The following GPC4 variants were observed in gnomAD, a reference collection of about 807,000 sequenced individuals.
The protein encoded by GPC4 is glypican 4, also known as glypican-4.
GPC4 carries 10 observed loss-of-function variants against 35.0 expected under a neutral mutation model. The ratio of observed to expected loss-of-function variants is 0.29; its 90% CI spans 0.18 to 0.48. The LOEUF is 0.48. GPC4 is among the 20% of genes least tolerant of loss of function. GPC4 has a pLI of 0.99. For synonymous variants in GPC4, 167 were observed against 170.2 expected (o/e 0.98, Z 0.15); for missense variants, 322 against 451.3 (o/e 0.71, Z 2.60).
At chrX:133,407,745 T>C (rs2068795727) in intron 1 of GPC4, among the ~76,000 whole-genome samples, 2 of 112,533 alleles carry the variant, frequency 1.8e-5, no homozygotes, top group African/African-American at 6.5e-5. Flanking sequence ...TGGACTTCCC[T>C]CTTCTGGCTT....
intron 1 of GPC4, among the ~76,000 whole-genome samples, chrX:133,341,275 T>C (rs1440000642): frequency 8.9e-6 from 1 of 111,843 alleles, no homozygotes; most frequent in Non-Finnish European, 1.9e-5. Context: ...TAAAACAATA[T>C]GAAGGCCCCC....
intron 2 of GPC4, among the ~76,000 whole-genome samples, chrX:133,330,955 C>T (rs2068417515): frequency 1.9e-5 from 1 of 51,332 alleles, no homozygotes; most frequent in African/African-American, 1.7e-4. Flanking sequence ...GCAAAACAAA[C>T]AAACGAACAA....
chrX:133,391,390 C>T (rs188021022), intron 1 of GPC4, among the ~76,000 whole-genome samples: 1 of 112,136 alleles, frequency 8.9e-6, no homozygotes, highest in Non-Finnish European at 1.9e-5. Context: ...TTCCTTTCCT[C>T]CCAAGAGGCC....
At chrX:133,380,268 C>T (rs759182830) in intron 1 of GPC4, among the ~76,000 whole-genome samples, 1 of 110,253 alleles carries the variant, frequency 9.1e-6, no homozygotes, top group Non-Finnish European at 1.9e-5. Flanking sequence ...ACCCAGGAGG[C>T]GGAGGTTGCA....
At chrX:133,336,488 T>C (rs1045705146) in intron 2 of GPC4, among the ~76,000 whole-genome samples, 1 of 110,994 alleles carries the variant, frequency 9.0e-6, no homozygotes, top group African/African-American at 3.3e-5. Context: ...TGAGCCGAGA[T>C]TGCGCCACTG....
intron 1 of GPC4, among the ~76,000 whole-genome samples, chrX:133,412,199 A>G (rs2124189414): frequency 8.9e-6 from 1 of 111,974 alleles, no homozygotes; most frequent in African/African-American, 3.2e-5. Flanking sequence ...CACTATATTG[A>G]CTATCCCCCT....
intron 2 of GPC4, among the ~76,000 whole-genome samples, chrX:133,329,132 G>A (rs1202695478): frequency 8.9e-6 from 1 of 111,888 alleles, no homozygotes; most frequent in Non-Finnish European, 1.9e-5. Flanking sequence ...GGAAAAACAG[G>A]AGATCTCTCA....
In GPC4 at chrX:133,415,189, G is replaced by A; in HGVS notation, c.-224C>T. 2 of 391,984 alleles carry A rather than the reference G, an allele frequency of 5.1e-6. No individual in the cohort carries two copies. The highest frequency in any genetic ancestry group is 8.6e-5 in the East Asian group (2 of 23,351). 32.3% of individuals were successfully genotyped at this position (391,984 alleles called of 1,213,427 possible). A position where few individuals can be genotyped will look rare whatever the true frequency, so the allele number is the denominator to read the frequency against. ...CCCCGGTGCCAGGCGCCGGGCCAGG[G>A]GAGAAGGAGGGCGTGGAGGCGGCGC... On this transcript the variant is annotated 5_prime_UTR_variant, in exon 1 of 9. Transcript: ENST00000370828.
In GPC4 at chrX:133,399,490, C is replaced by A. The variant is rs751852083; in HGVS notation, c.160+15316G>T. Reference sequence around the variant, plus strand: ...TTTGCTAGCTAAAGGTGACATACTTCCTCTGAGTTTCCTGAAAACACCCAC... The same window carrying A: ...TTTGCTAGCTAAAGGTGACATACTTACTCTGAGTTTCCTGAAAACACCCAC... On this transcript the variant is annotated intron_variant, in intron 1 of 8. Coordinates refer to ENST00000370828, the MANE Select transcript of GPC4 (RefSeq NM_001448.3). 4.5e-4 allele frequency among the ~76,000 whole-genome samples: 50 copies of A among 111,643 alleles called. 1 individual carries two copies. The highest frequency in any genetic ancestry group is 1.4e-3 in the Admixed American group (15 of 10,425).
rs77166014 is a variant in GPC4, at chrX:133,354,568, A to ATTT, written c.161-15230_161-15228dup. 5.9e-3 allele frequency among the ~76,000 whole-genome samples: 562 copies of ATTT among 95,187 alleles called. 16 individuals are homozygous for ATTT. Among genetic ancestry groups the ATTT allele is most frequent in the African/African-American group, 0.022 (511 of 23,757 alleles). 82.7% of individuals were successfully genotyped at this position (95,187 alleles called of 115,157 possible). ...TATTTATTTATTTATTTATTTATTT[A>ATTT]TTTTTTTTTTTGAGACGGAGTCTCG... On this transcript the variant is annotated intron_variant, in intron 1 of 8. Coordinates refer to ENST00000370828, the MANE Select transcript of GPC4 (RefSeq NM_001448.3).
chrX:133,396,760 T>C (rs761479962), intron 1 of GPC4, among the ~76,000 whole-genome samples: 3 of 112,046 alleles, frequency 2.7e-5, no homozygotes, highest in East Asian at 5.6e-4. Flanking sequence ...CACGAACTTA[T>C]CACTTTCAAA....
chrX:133,304,474 G>A (rs2068282050), intron 7 of GPC4, among the ~76,000 whole-genome samples: 1 of 111,741 alleles, frequency 8.9e-6, no homozygotes. Context: ...GACACTATTG[G>A]AACAGCCCTA....
chrX:133,352,673 G>A (rs188068686), intron 1 of GPC4, among the ~76,000 whole-genome samples: 2 of 111,686 alleles, frequency 1.8e-5, no homozygotes, highest in Admixed American at 1.9e-4. Flanking sequence ...GGTCTCACCA[G>A]AGGAGAGCTT....
At chrX:133,341,965 C>T (rs925822342) in intron 1 of GPC4, among the ~76,000 whole-genome samples, 15 of 108,782 alleles carry the variant, frequency 1.4e-4, no homozygotes, top group African/African-American at 5.0e-4. Flanking sequence ...CACCAGTGAC[C>T]CTCAAGCAGA....
At chrX:133,337,067 C>T (rs1219876652) in intron 2 of GPC4, among the ~76,000 whole-genome samples, 2 of 111,764 alleles carry the variant, frequency 1.8e-5, no homozygotes, top group African/African-American at 6.5e-5. Flanking sequence ...AATCTGCCCG[C>T]CGTGGCCTCC....
intron 1 of GPC4, among the ~76,000 whole-genome samples, chrX:133,382,115 A>G (rs2068662943): frequency 8.9e-6 from 1 of 112,169 alleles, no homozygotes; most frequent in Non-Finnish European, 1.9e-5. Flanking sequence ...GATCATAAGA[A>G]AACAACTTGA....
chrX:133,362,006 G>A (rs965571594), intron 1 of GPC4, among the ~76,000 whole-genome samples: 27 of 110,719 alleles, frequency 2.4e-4, no homozygotes, highest in African/African-American at 7.9e-4. Flanking sequence ...TTGAGCTCAA[G>A]AGTTCAAGAC....
intron 2 of GPC4, among the ~76,000 whole-genome samples, chrX:133,327,162 T>A (rs1238283621): frequency 8.9e-6 from 1 of 112,416 alleles, no homozygotes; most frequent in Admixed American, 9.4e-5. Context: ...TTTATTATAT[T>A]GCTCATAAAA....
intron 1 of GPC4, among the ~76,000 whole-genome samples, chrX:133,344,191 G>GTT (rs747976050): frequency 1.5e-4 from 6 of 38,889 alleles, no homozygotes; most frequent in Non-Finnish European, 2.6e-4. Flanking sequence ...TTTCTTTCTG[G>GTT]TTTTTTTTTT....
Sources: allele counts gnomAD v4.1 joint callset (sites outside exome capture counted in the v4.1 genomes callset), GRCh38; gene constraint gnomAD v4.1.1; transcripts MANE v1.5; gene names NCBI Gene and HGNC (gene_info 2026-07-23, HGNC 2026-07-21).